MCPH1: variants seen among roughly 807,000 people sequenced by gnomAD.
MCPH1 encodes microcephalin.
In MCPH1, 104 loss-of-function variants were observed where a neutral mutation model predicts 84.5. That is an observed-to-expected ratio of 1.23 (90% CI 1.05 to 1.45). The LOEUF (loss-of-function observed/expected upper bound fraction) is 1.45, where lower values mean the gene tolerates loss of function less well. Ranked by LOEUF, MCPH1 falls within the 40% of genes most tolerant of loss-of-function variation. The pLI is 0.00. For missense variants in MCPH1, 1,498 were observed against 1,005.7 expected, an observed-to-expected ratio of 1.49 and a Z score of -6.62; for synonymous variants, 514 against 366.8, an observed-to-expected ratio of 1.40 and a Z score of -4.58.
At chr8:6,623,505 C>T (rs1831706148) in intron 13 of MCPH1, among the ~76,000 whole-genome samples, 1 of 152,040 alleles carries the variant, frequency 6.6e-6, no homozygotes, top group Non-Finnish European at 1.5e-5. Context: ...TCAACATTAT[C>T]CCTTAATAGA....
At position 6,538,005 on chromosome 8, in the gene MCPH1, G is replaced by A. The variant is rs187701379; in HGVS notation, c.2214+38076G>A. Among the ~76,000 whole-genome samples, 303 of 152,152 alleles carry A rather than the reference G, an allele frequency of 2.0e-3. 2 individuals carry two copies. Among genetic ancestry groups the A allele is most frequent in the African/African-American group, 7.0e-3 (291 of 41,506 alleles). On this transcript the variant is annotated intron_variant, in intron 12 of 13. Coordinates refer to ENST00000344683, the MANE Select transcript of MCPH1 (RefSeq NM_024596.5). ...AGGGTCTAAAGACCTTGAATTTTCTGGTAAATTAACAAATAATTTGAGATT... is the reference window on the plus strand; with the variant it reads ...AGGGTCTAAAGACCTTGAATTTTCTAGTAAATTAACAAATAATTTGAGATT...
At chr8:6,445,631 TC>T in intron 8 of MCPH1, 84 bp downstream of exon 8, 1 of 1,498,242 alleles carries the variant, frequency 6.7e-7, no homozygotes, top group Non-Finnish European at 8.9e-7. Flanking sequence ...CACAACTTTT[TC>T]ATAACTTATT....
chr8:6,590,380 T>A (rs966749954), intron 12 of MCPH1, among the ~76,000 whole-genome samples: 1 of 152,204 alleles, frequency 6.6e-6, no homozygotes, highest in Non-Finnish European at 1.5e-5. Context: ...TTTTCTGGAA[T>A]GTCTCATAAG....
chr8:6,529,433 C>G (rs1237823119), intron 12 of MCPH1, among the ~76,000 whole-genome samples: 3 of 151,518 alleles, frequency 2.0e-5, no homozygotes, highest in Non-Finnish European at 2.9e-5. Flanking sequence ...TTGCGGCCTT[C>G]CTTAAGCTCA....
rs911332275 is a variant in MCPH1, at chr8:6,467,309, T to C, written c.1936-10285T>C. ...TCTCCCTAATCAGTGATTTTCAATT[T>C]TGAAAACTTTTTTTTGAAGTTGTGT... On this transcript the variant is annotated intron_variant, in intron 9 of 13. Transcript: ENST00000344683. Among the ~76,000 whole-genome samples, 8 of 152,328 alleles carry C rather than the reference T, an allele frequency of 5.3e-5. No homozygotes were observed. In the South Asian group the frequency reaches 1.7e-3, roughly 32 times the overall value.
chr8:6,406,839 TCCCCCG>T, intron 1 of MCPH1, 150 bp downstream of exon 1: 3 of 37,994 alleles, frequency 7.9e-5, no homozygotes, highest in South Asian at 4.4e-4. Flanking sequence ...GCCTCCTTCC[TCCCCCG>T]CTGCCTGTCC....
intron 12 of MCPH1, among the ~76,000 whole-genome samples, chr8:6,518,101 G>T (rs951642732): frequency 6.6e-6 from 1 of 152,090 alleles, no homozygotes; most frequent in African/African-American, 2.4e-5. Context: ...GTGGGACAGT[G>T]CACTGGGGTG....
At chr8:6,625,784 T>C (rs997807871) in intron 13 of MCPH1, 4 of 983,686 alleles carry the variant, frequency 4.1e-6, no homozygotes, top group Middle Eastern at 1.0e-3. Context: ...ACCCCATCTC[T>C]AAAAAGAAAA....
At chr8:6,605,220 C>G (rs59425118) in intron 12 of MCPH1, among the ~76,000 whole-genome samples, 10,274 of 152,216 alleles carry the variant, frequency 0.067, 415 homozygotes, top group African/African-American at 0.099. Flanking sequence ...ATTTTATATT[C>G]TTTTTTCCAA....
At chr8:6,544,406 A>G (rs1451920917) in intron 12 of MCPH1, among the ~76,000 whole-genome samples, 3 of 152,238 alleles carry the variant, frequency 2.0e-5, no homozygotes, top group Non-Finnish European at 4.4e-5. Flanking sequence ...ACTTTGGGCA[A>G]ATCACTGAAC....
rs1047104143 is a variant in MCPH1, at chr8:6,431,075, C to A, written c.234-424C>A. 4.6e-5 allele frequency among the ~76,000 whole-genome samples: 7 copies of A among 152,106 alleles called. No homozygotes were observed. The East Asian group carries it at 1.3e-3, about 29-fold the overall frequency. Reference sequence around the variant, plus strand: ...TGGACAGAAACACAAAAAGGACAACCCAATTTTGGAGGAAAGAGATGTCCT... The same window carrying A: ...TGGACAGAAACACAAAAAGGACAACACAATTTTGGAGGAAAGAGATGTCCT... On this transcript the variant is annotated intron_variant, in intron 3 of 13. Transcript: ENST00000344683.
Position 6,500,108 on chromosome 8 carries a change from C to CGT in MCPH1, c.2214+181_2214+182dup, listed in dbSNP as rs1186293645. ...TTATTCGCGAGAACAAATGTGAGAA[C>CGT]GTGAGACCATTGTGCAAAAAGTAGT... On this transcript the variant is annotated intron_variant, in intron 12 of 13. Coordinates refer to ENST00000344683, the MANE Select transcript of MCPH1 (RefSeq NM_024596.5). The CGT allele has an allele frequency of 4.3e-5, 27 of 622,190 alleles. No individual in the cohort carries two copies. In the Admixed American group the frequency reaches 6.7e-4, roughly 15 times the overall value. 38.5% of individuals were successfully genotyped at this position (622,190 alleles called of 1,614,324 possible). A position where few individuals can be genotyped will look rare whatever the true frequency, so the allele number is the denominator to read the frequency against.
intron 3 of MCPH1, among the ~76,000 whole-genome samples, chr8:6,422,149 C>T (rs952469292): frequency 6.6e-6 from 1 of 152,132 alleles, no homozygotes; most frequent in African/African-American, 2.4e-5. Context: ...TTTTGTCTTT[C>T]TATTGTAATG....
intron 12 of MCPH1, among the ~76,000 whole-genome samples, chr8:6,560,437 A>C (rs1825346471): frequency 6.6e-6 from 1 of 152,196 alleles, no homozygotes; most frequent in Admixed American, 6.5e-5. Context: ...GAGAAAAACA[A>C]ACAGTGAGGT....
chr8:6,639,132 C>T (rs888411237), intron 13 of MCPH1, among the ~76,000 whole-genome samples: 3 of 152,042 alleles, frequency 2.0e-5, no homozygotes, highest in Admixed American at 6.5e-5. Flanking sequence ...ACGATAAATA[C>T]GTGGATGGAA....
At chr8:6,642,692 C>A (rs1272536622) in intron 13 of MCPH1, 1 of 461,084 alleles carries the variant, frequency 2.2e-6, no homozygotes, top group Admixed American at 3.3e-5. Flanking sequence ...TGGCAAGCTT[C>A]CCACCCTGCC....
At chr8:6,572,806 A>G (rs1295954834) in intron 12 of MCPH1, among the ~76,000 whole-genome samples, 1 of 152,226 alleles carries the variant, frequency 6.6e-6, no homozygotes, top group East Asian at 1.9e-4. Context: ...ATCTGGATGC[A>G]CAAGCACTGC....
chr8:6,409,284 G>C lies in MCPH1; in HGVS notation c.28G>C (p.Val10Leu), dbSNP rs752291343. MAAPILKDV[V>L]AYVEVWSSNG... Reference sequence around the variant, plus strand: ...TGTTCATATCTTGTTTTCAGATGTAGTGGCCTATGTTGAAGTGTGGTCATC... The same window carrying C: ...TGTTCATATCTTGTTTTCAGATGTACTGGCCTATGTTGAAGTGTGGTCATC... The change falls in exon 2 of 14, where the codon GTG (valine) becomes CTG (leucine). Residue 10 changes from valine (V) to leucine (L), a missense_variant. By Grantham distance (32) the Val-to-Leu change is conservative. Coordinates refer to ENST00000344683, the MANE Select transcript of MCPH1 (RefSeq NM_024596.5). The C allele has an allele frequency of 1.4e-5, 23 of 1,611,944 alleles. No homozygotes were observed. In the South Asian group the frequency reaches 2.5e-4, roughly 18 times the overall value.
chr8:6,448,677 T>A (rs1804715204), intron 8 of MCPH1, among the ~76,000 whole-genome samples: 1 of 152,230 alleles, frequency 6.6e-6, no homozygotes, highest in South Asian at 2.1e-4. Flanking sequence ...TTTAAGAGAA[T>A]TTTTTGCATG....
Sources: allele counts gnomAD v4.1 joint callset (sites outside exome capture counted in the v4.1 genomes callset), GRCh38; gene constraint gnomAD v4.1.1; transcripts MANE v1.5; gene names NCBI Gene and HGNC (gene_info 2026-07-23, HGNC 2026-07-21).